Variants in SVOP observed in about 807,000 individuals in gnomAD.
SVOP encodes SV2 related protein.
In SVOP, 17 loss-of-function variants were observed where a neutral mutation model predicts 69.1. The ratio of observed to expected loss-of-function variants is 0.25; its 90% confidence interval spans 0.17 to 0.37. The LOEUF is 0.37. Among genes scored for constraint, SVOP ranks in the 10% least tolerant of loss-of-function variants. SVOP has a pLI of 1.00. For synonymous variants in SVOP, 238 were observed against 238.6 expected, an observed-to-expected ratio of 1.00 and a Z score of 0.02; for missense variants, 435 against 597.5, an observed-to-expected ratio of 0.73 and a Z score of 2.84.
At chr12:108,957,549 G>A (rs1014822998) in intron 6 of SVOP, among the ~76,000 whole-genome samples, 16 of 152,180 alleles carry the variant, frequency 1.1e-4, no homozygotes, top group Non-Finnish European at 1.3e-4. Flanking sequence ...AAGAGTCACC[G>A]TGGGCTCCTT....
Position 109,004,368 on chromosome 12 carries a change from G to C in SVOP, c.35+16466C>G, listed in dbSNP as rs1357523114. On this transcript the variant is annotated intron_variant, in intron 1 of 15. Coordinates refer to ENST00000610966, the MANE Select transcript of SVOP (RefSeq NM_018711.5). ...TTGTACCACCATAGAATTTTCCTCGGTACCTTAAATTAGGGCCTGTGACTC... is the reference window on the plus strand; with the variant it reads ...TTGTACCACCATAGAATTTTCCTCGCTACCTTAAATTAGGGCCTGTGACTC... Among the ~76,000 whole-genome samples, 3 of 149,780 alleles carry C rather than the reference G, an allele frequency of 2.0e-5. No homozygotes were observed. The East Asian group carries it at 5.9e-4, about 29-fold the overall frequency.
At position 108,910,742 on chromosome 12, in the gene SVOP, A is replaced by G. The variant is rs2039676748; in HGVS notation, c.*1793T>C. 6.6e-6 allele frequency: 1 copy of G among 152,222 alleles called. No individual in the cohort carries two copies. Among genetic ancestry groups the G allele is most frequent in the Non-Finnish European group, 1.5e-5 (1 of 68,038 alleles). 9.4% of individuals were successfully genotyped at this position (152,222 alleles called of 1,614,324 possible). A position where few individuals can be genotyped will look rare whatever the true frequency, so the allele number is the denominator to read the frequency against. ...AGCTCAGCCACAATGTTGGCTGCCA[A>G]CGGTATGTCTTTCCCCACTCATTGG... is the stretch of plus-strand genomic sequence containing the variant. On this transcript the variant is annotated 3_prime_UTR_variant, in exon 16 of 16. Transcript: ENST00000610966.
chr12:108,967,064 G>A (rs2040049681), intron 5 of SVOP, among the ~76,000 whole-genome samples: 1 of 152,186 alleles, frequency 6.6e-6, no homozygotes, highest in Non-Finnish European at 1.5e-5. Context: ...TGAGAAAACT[G>A]AGACACAGAG....
rs577521078 is a variant in SVOP at position 108,970,238 on chromosome 12, G to A, written c.453+2167C>T. ...GAGCACCTACTGATTCAAGCCACAG[G>A]CATCATAGTGAAGACAGAGCTCTAG... is the stretch of plus-strand genomic sequence containing the variant. On this transcript the variant is annotated intron_variant, in intron 5 of 15. Transcript: ENST00000610966. Among the ~76,000 whole-genome samples the A allele has an allele frequency of 2.6e-5, 4 of 152,216 alleles. No individual in the cohort carries two copies. The South Asian group carries it at 8.3e-4, about 32-fold the overall frequency.
intron 1 of SVOP, among the ~76,000 whole-genome samples, chr12:108,993,024 T>C (rs1277381868): frequency 6.6e-6 from 1 of 152,124 alleles, no homozygotes; most frequent in Non-Finnish European, 1.5e-5. Flanking sequence ...TTGGGTAACA[T>C]AGCGAGACCC....
chr12:108,952,142 G>C (rs1464900235), intron 6 of SVOP, among the ~76,000 whole-genome samples: 1 of 150,724 alleles, frequency 6.6e-6, no homozygotes, highest in Middle Eastern at 3.2e-3. Context: ...ATCATGAGTT[G>C]AATTAATCAT....
intron 6 of SVOP, among the ~76,000 whole-genome samples, chr12:108,952,442 T>C (rs1304736039): frequency 1.3e-5 from 2 of 151,838 alleles, no homozygotes; most frequent in African/African-American, 4.8e-5. Flanking sequence ...TGCCATGTTG[T>C]ACAGGCTGGT....
At chr12:108,923,660 C>A (rs2039763668) in intron 11 of SVOP, among the ~76,000 whole-genome samples, 1 of 151,962 alleles carries the variant, frequency 6.6e-6, no homozygotes, top group African/African-American at 2.4e-5. Context: ...ACACATTTAT[C>A]ATCTCATAGT....
chr12:108,937,910 T>C (rs1164107122), intron 9 of SVOP, among the ~76,000 whole-genome samples: 2 of 152,322 alleles, frequency 1.3e-5, no homozygotes, highest in East Asian at 1.9e-4. Flanking sequence ...ATCCCAGCAC[T>C]TTGGGAGGCC....
chr12:108,926,686 G>A (rs2039782688), intron 11 of SVOP: 1 of 152,222 alleles, frequency 6.6e-6, no homozygotes, highest in African/African-American at 2.4e-5. Flanking sequence ...AATGCAAATA[G>A]TGCCTGGTGG....
intron 7 of SVOP, among the ~76,000 whole-genome samples, chr12:108,944,085 T>C (rs2137409254): frequency 6.6e-6 from 1 of 152,262 alleles, no homozygotes; most frequent in Admixed American, 6.5e-5. Flanking sequence ...TTCACCGTGT[T>C]GGCCAGGCTG....
intron 11 of SVOP, among the ~76,000 whole-genome samples, chr12:108,923,505 T>C (rs186447828): frequency 2.5e-3 from 379 of 152,162 alleles, no homozygotes; most frequent in Non-Finnish European, 3.7e-3. Flanking sequence ...CAGTTGAGCT[T>C]CCAGATGAGA....
At chr12:109,019,572 C>T (rs969992188) in intron 1 of SVOP, among the ~76,000 whole-genome samples, 4 of 151,932 alleles carry the variant, frequency 2.6e-5, no homozygotes, top group Admixed American at 2.0e-4. Context: ...TGTATGTTTT[C>T]CTTGGGAAAT....
intron 5 of SVOP, among the ~76,000 whole-genome samples, chr12:108,962,286 A>G (rs1387218650): frequency 6.6e-6 from 1 of 152,082 alleles, no homozygotes; most frequent in African/African-American, 2.4e-5. Flanking sequence ...TTTTATAGAC[A>G]TGGGGTTTCA....
At chr12:108,969,801 G>T (rs2040068378) in intron 5 of SVOP, among the ~76,000 whole-genome samples, 1 of 150,506 alleles carries the variant, frequency 6.6e-6, no homozygotes, top group Non-Finnish European at 1.5e-5. Flanking sequence ...TCACTCATAT[G>T]CTCCAGAAAC....
intron 1 of SVOP, among the ~76,000 whole-genome samples, chr12:109,003,997 T>C (rs1456797447): frequency 6.6e-6 from 1 of 152,202 alleles, no homozygotes; most frequent in African/African-American, 2.4e-5. Flanking sequence ...AAGTTTGTTT[T>C]GAAACAGAAA....
intron 12 of SVOP, among the ~76,000 whole-genome samples, chr12:108,920,153 A>G (rs953903651): frequency 2.0e-5 from 3 of 152,222 alleles, no homozygotes; most frequent in Admixed American, 1.3e-4. Context: ...TAAGCATGGG[A>G]GTGGATCCTG....
intron 6 of SVOP, among the ~76,000 whole-genome samples, chr12:108,952,214 CT>C (rs944256299): frequency 4.2e-5 from 6 of 141,496 alleles, no homozygotes; most frequent in South Asian, 2.3e-4. Context: ...CTACATTCCA[CT>C]TTTTTTTCTT....
intron 1 of SVOP, 71 bp downstream of exon 1, chr12:109,020,763 C>G (rs956655482): frequency 7.6e-6 from 3 of 392,570 alleles, no homozygotes; most frequent in Admixed American, 3.1e-5. Context: ...TACCCCCCCC[C>G]ACCCCCCTTG....
Sources: gnomAD v4.1 joint callset for allele counts (sites outside exome capture counted in the v4.1 genomes callset) on GRCh38, gnomAD v4.1.1 for gene constraint, MANE v1.5 for transcripts, NCBI Gene and HGNC (gene_info 2026-07-23, HGNC 2026-07-21) for gene names.